The following C8orf34 variants were observed in gnomAD, a reference collection of about 807,000 sequenced individuals.
The protein encoded by C8orf34 is uncharacterized protein C8orf34.
Under a neutral mutation model 68.3 loss-of-function variants are expected in C8orf34, and 65 were observed. The observed-to-expected ratio is 0.95, with a 90% CI of 0.78 to 1.17. The LOEUF (loss-of-function observed/expected upper bound fraction) is 1.17, where lower values mean the gene tolerates loss of function less well. Among genes scored for constraint, C8orf34 ranks in the 50% most tolerant of loss-of-function variants. The pLI is 0.00. For synonymous variants in C8orf34, 244 were observed against 241.2 expected (o/e 1.01, Z -0.11); for missense variants, 664 against 655.4 (o/e 1.01, Z -0.14).
chr8:68,696,807 A>C (rs903097733), intron 8 of C8orf34, among the ~76,000 whole-genome samples: 1 of 152,066 alleles, frequency 6.6e-6, no homozygotes, highest in Admixed American at 6.6e-5. Context: ...TTTAGCTATA[A>C]TTGATTTGCT....
In C8orf34 at chr8:68,641,595, A is replaced by G. The variant is rs369048556; in HGVS notation, c.1241+1084A>G. ...CTGAGTGAACACAGTCATCAGTGGAAGAGTTATACGATACTTTGTTTTAAA... is the reference window on the plus strand; with the variant it reads ...CTGAGTGAACACAGTCATCAGTGGAGGAGTTATACGATACTTTGTTTTAAA... On this transcript the variant is annotated intron_variant, in intron 8 of 13. Transcript: ENST00000518698. 1.1e-4 allele frequency among the ~76,000 whole-genome samples: 17 copies of G among 152,340 alleles called. No homozygotes were observed. The East Asian group carries it at 2.9e-3, about 26-fold the overall frequency.
intron 8 of C8orf34, among the ~76,000 whole-genome samples, chr8:68,641,848 A>T (rs1446353771): frequency 6.6e-6 from 1 of 152,208 alleles, no homozygotes; most frequent in East Asian, 1.9e-4. Flanking sequence ...ATCACAAACA[A>T]CCTGCATTTA....
intron 10 of C8orf34, among the ~76,000 whole-genome samples, chr8:68,761,478 ACT>A (rs1284561096): frequency 2.0e-5 from 3 of 152,054 alleles, no homozygotes; most frequent in African/African-American, 4.8e-5. Flanking sequence ...CCCCAATTTG[ACT>A]CTCTGAAACA....
chr8:68,730,837 G>T (rs1821959166), intron 10 of C8orf34, among the ~76,000 whole-genome samples: 1 of 152,054 alleles, frequency 6.6e-6, no homozygotes, highest in Admixed American at 6.5e-5. Flanking sequence ...TAATACCCAA[G>T]GAGATGTATG....
intron 1 of C8orf34, among the ~76,000 whole-genome samples, chr8:68,354,016 G>T (rs1187559158): frequency 6.6e-6 from 1 of 151,950 alleles, no homozygotes; most frequent in Admixed American, 6.6e-5. Context: ...ATATGTGCTT[G>T]TATTTGTGTA....
intron 10 of C8orf34, among the ~76,000 whole-genome samples, chr8:68,731,417 T>C (rs905448578): frequency 3.3e-5 from 5 of 151,762 alleles, no homozygotes; most frequent in Non-Finnish European, 5.9e-5. Context: ...CTAATATGTA[T>C]ATTAAAAGAA....
intron 12 of C8orf34, among the ~76,000 whole-genome samples, 172 bp from the exon 13 acceptor site, chr8:68,815,714 C>G (rs529136913): frequency 6.6e-6 from 1 of 152,282 alleles, no homozygotes; most frequent in South Asian, 2.1e-4. Flanking sequence ...AAGATATACA[C>G]ACTTCTAAGG....
intron 12 of C8orf34, among the ~76,000 whole-genome samples, chr8:68,798,358 G>A (rs1361770569): frequency 1.3e-5 from 2 of 149,416 alleles, no homozygotes; most frequent in Admixed American, 1.3e-4. Flanking sequence ...GTGCAGTGGC[G>A]TGATCACAGC....
chr8:68,574,607 C>T (rs1025977352), intron 7 of C8orf34, among the ~76,000 whole-genome samples: 3 of 151,902 alleles, frequency 2.0e-5, no homozygotes, highest in Non-Finnish European at 4.4e-5. Flanking sequence ...ATAATGGAAA[C>T]CAGCATAATA....
At chr8:68,582,170 A>T (rs1817084617) in intron 7 of C8orf34, among the ~76,000 whole-genome samples, 1 of 152,160 alleles carries the variant, frequency 6.6e-6, no homozygotes, top group South Asian at 2.1e-4. Context: ...GACCCAAGGG[A>T]AAACTTCATT....
At chr8:68,500,711 C>T (rs1421703698) in intron 5 of C8orf34, among the ~76,000 whole-genome samples, 1 of 152,040 alleles carries the variant, frequency 6.6e-6, no homozygotes, top group East Asian at 1.9e-4. Flanking sequence ...AAAGTGTCAA[C>T]CAAAATAGTA....
intron 4 of C8orf34, among the ~76,000 whole-genome samples, chr8:68,480,787 G>T (rs989448578): frequency 1.3e-5 from 2 of 152,068 alleles, no homozygotes; most frequent in African/African-American, 2.4e-5. Context: ...TCTGGCAGAA[G>T]AAATTTCTAA....
intron 7 of C8orf34, among the ~76,000 whole-genome samples, chr8:68,550,573 C>G (rs1457907191): frequency 6.6e-6 from 1 of 151,690 alleles, no homozygotes; most frequent in Non-Finnish European, 1.5e-5. Context: ...CTCATTTTTT[C>G]TTTATACAGA....
chr8:68,755,709 A>G (rs544593222), intron 10 of C8orf34, among the ~76,000 whole-genome samples: 20 of 152,294 alleles, frequency 1.3e-4, no homozygotes, highest in African/African-American at 4.3e-4. Flanking sequence ...ACTAGGGGGA[A>G]CTGTATCCTT....
chr8:68,663,810 G>T (rs1819757104), intron 8 of C8orf34, among the ~76,000 whole-genome samples: 1 of 152,196 alleles, frequency 6.6e-6, no homozygotes, highest in Non-Finnish European at 1.5e-5. Flanking sequence ...TTCAGCTTAT[G>T]AGTTTCTGAT....
At chr8:68,763,380 C>G (rs1353327908) in intron 10 of C8orf34, among the ~76,000 whole-genome samples, 1 of 152,138 alleles carries the variant, frequency 6.6e-6, no homozygotes. Flanking sequence ...CTCAAAAAGA[C>G]CATTTACTCT....
At chr8:68,421,898 G>T (rs1809992088) in intron 1 of C8orf34, among the ~76,000 whole-genome samples, 1 of 152,284 alleles carries the variant, frequency 6.6e-6, no homozygotes, top group African/African-American at 2.4e-5. Flanking sequence ...CACAAGGTAG[G>T]AGGAGAGAGA....
At chr8:68,620,027 A>G (rs1818342782) in intron 7 of C8orf34, among the ~76,000 whole-genome samples, 1 of 152,134 alleles carries the variant, frequency 6.6e-6, no homozygotes, top group Non-Finnish European at 1.5e-5. Flanking sequence ...TTACTCAAAA[A>G]CCTCAGACTG....
Position 68,423,456 on chromosome 8 carries a change from A to G in C8orf34, c.328-16043A>G, listed in dbSNP as rs186489072. Among the ~76,000 whole-genome samples, 144 of 152,250 alleles carry G rather than the reference A, an allele frequency of 9.5e-4. 2 individuals are homozygous for G. Among genetic ancestry groups the G allele is most frequent in the African/African-American group, 3.3e-3 (136 of 41,556 alleles). On this transcript the variant is annotated intron_variant, in intron 1 of 13. Transcript: ENST00000518698. The stretch of plus-strand genomic sequence containing the variant: ...TCTCAGCCTGGACTTCAGTGTCCAT[A>G]TCACTATCAGCATTTTGGTCAAAGC...
Sources: gnomAD v4.1 joint callset for allele counts (sites outside exome capture counted in the v4.1 genomes callset) on GRCh38, gnomAD v4.1.1 for gene constraint, MANE v1.5 for transcripts, NCBI Gene and HGNC (gene_info 2026-07-23, HGNC 2026-07-21) for gene names.